Variants in IGHMBP2 observed in about 807,000 individuals in gnomAD.
IGHMBP2 encodes immunoglobulin mu DNA binding protein 2.
Under a neutral mutation model 96.0 loss-of-function variants are expected in IGHMBP2, and 81 were observed. That is an observed-to-expected ratio of 0.84 (90% CI 0.71 to 1.01). The LOEUF (loss-of-function observed/expected upper bound fraction) is 1.01. IGHMBP2 is among the 50% of genes least tolerant of loss of function. The pLI is 0.00. For missense variants in IGHMBP2, 1,227 were observed against 1,306.3 expected, an observed-to-expected ratio of 0.94 and a Z score of 0.94; for synonymous variants, 557 against 548.9, an observed-to-expected ratio of 1.01 and a Z score of -0.21.
chr11:68,934,374 T>G lies in IGHMBP2; in HGVS notation c.1538-90T>G, dbSNP rs1859439229. On this transcript the variant is annotated intron_variant, in intron 10 of 14. Coordinates refer to ENST00000255078, the MANE Select transcript of IGHMBP2 (RefSeq NM_002180.3). ...TGAGTGGAGGATCAGCTGGCCATGA[T>G]AGACAGAAACGTGCCCGAAACACGT... 3 of 898,610 alleles carry G rather than the reference T, an allele frequency of 3.3e-6. No homozygotes were observed. In the Admixed American group the frequency reaches 6.0e-5, roughly 18 times the overall value. The allele number at this position is 898,610 out of a possible 1,614,324, so 55.7% of individuals were successfully genotyped here. A position where few individuals can be genotyped will look rare whatever the true frequency, so the allele number is the denominator to read the frequency against.
chr11:68,923,610 G>A (rs1323688443), intron 7 of IGHMBP2, among the ~76,000 whole-genome samples: 1 of 152,174 alleles, frequency 6.6e-6, no homozygotes, highest in Non-Finnish European at 1.5e-5. Flanking sequence ...TCAGTGCTTA[G>A]TCCAGGGTTA....
In IGHMBP2 at chr11:68,906,216, T is replaced by C. The variant is rs746660193; in HGVS notation, c.234T>C (p.Leu78=). The C allele has an allele frequency of 1.2e-6, 2 of 1,614,046 alleles. No homozygotes were observed. Among genetic ancestry groups the C allele is most frequent in the East Asian group, 4.5e-5 (2 of 44,890 alleles). ...EPRRYGSAAA[L]PSNSFTSGDI... is the part of the protein sequence containing the mutation. ...GGCGATACGGGTCCGCGGCAGCTCT[T>C]CCCAGTAACAGCTTTACTTCTGGTG... The change falls in exon 2 of 15, where the codon CTT becomes CTC. Residue 78 remains leucine, a synonymous_variant. Transcript: ENST00000255078.
At position 68,933,072 on chromosome 11, in the gene IGHMBP2, C is replaced by T. The variant is rs1859377235; in HGVS notation, c.1236-227C>T. ...AGGATCCTTAACTTCATCTCAGCTG[C>T]AGCGTCCCTGTTGTCCTGTAAGGGA... On this transcript the variant is annotated intron_variant, in intron 8 of 14. Transcript: ENST00000255078. 4 of 588,514 alleles carry T rather than the reference C, an allele frequency of 6.8e-6. No homozygotes were observed. The Admixed American group carries it at 1.2e-4, about 17-fold the overall frequency. The allele number at this position is 588,514 out of a possible 1,614,324, so 36.5% of individuals were successfully genotyped here.
In IGHMBP2 at chr11:68,936,794, T is replaced by C. The variant is rs767000279; in HGVS notation, c.2314T>C (p.Ser772Pro). The C allele has an allele frequency of 6.2e-7, 1 of 1,613,934 alleles. No homozygotes were observed. The highest frequency in any genetic ancestry group is 8.5e-7 in the Non-Finnish European group (1 of 1,180,004). The change falls in exon 13 of 15, where the codon TCC becomes CCC. Residue 772 changes from serine (S) to proline (P), a missense_variant. This residue lies in a region of IGHMBP2 where 703 missense variants were observed against 770.3 expected (regional missense o/e 0.91). Transcript: ENST00000255078. ...AEEHGLRHDS[S>P]GEGKRRFITV... Reference sequence around the variant, plus strand: ...GGAGCACGGGCTGAGGCACGACAGTTCCGGGGAAGGGAAGAGGAGGTTCAT... The same window carrying C: ...GGAGCACGGGCTGAGGCACGACAGTCCCGGGGAAGGGAAGAGGAGGTTCAT...
At chr11:68,912,278 T>A (rs1413959075) in intron 5 of IGHMBP2, among the ~76,000 whole-genome samples, 1 of 152,096 alleles carries the variant, frequency 6.6e-6, no homozygotes, top group East Asian at 1.9e-4. Context: ...ATTATAGGCG[T>A]GCGCCACCAT....
In IGHMBP2 at chr11:68,929,336, C is replaced by T; in HGVS notation, c.1214C>T (p.Pro405Leu). The T allele has an allele frequency of 6.2e-7, 1 of 1,613,412 alleles. No homozygotes were observed. The highest frequency in any genetic ancestry group is 1.1e-5 in the South Asian group (1 of 91,082). Residue 405 changes from proline to leucine, a missense_variant, in exon 8 of 15, where the codon CCC (proline) becomes CTC (leucine). Coordinates refer to ENST00000255078, the MANE Select transcript of IGHMBP2 (RefSeq NM_002180.3). ...CILAGDHKQL[P>L]PTTVSHKAAL... ...CTGGCGGGCGATCACAAGCAGCTGC[C>T]CCCCACCACAGTCTCTCACAAGTAA...
chr11:68,921,582 A>G (rs566590663), intron 7 of IGHMBP2, among the ~76,000 whole-genome samples: 1 of 152,310 alleles, frequency 6.6e-6, no homozygotes, highest in East Asian at 1.9e-4. Context: ...TGCTTTTGTC[A>G]TATATTTTTC....
chr11:68,932,950 C>T, intron 8 of IGHMBP2: 1 of 368,352 alleles, frequency 2.7e-6, no homozygotes, highest in Non-Finnish European at 5.2e-6. Flanking sequence ...GTCTTCAAAT[C>T]TCTCCCCTCG....
intron 5 of IGHMBP2, among the ~76,000 whole-genome samples, chr11:68,912,882 A>G (rs1334561913): frequency 2.0e-5 from 3 of 151,536 alleles, no homozygotes; most frequent in African/African-American, 7.3e-5. Context: ...TCTACTAAAA[A>G]TACAAAACAA....
In IGHMBP2 at chr11:68,933,282, C is replaced by G; in HGVS notation, c.1236-17C>G. On this transcript the variant is annotated splice_polypyrimidine_tract_variant and intron_variant, in intron 8 of 14. Transcript: ENST00000255078. ...GGGCTCAGGCCTGCCTTCCCCCTTTCTCCCTCCTGGGCGCAGGGCTGCGCT... is the reference window on the plus strand; with the variant it reads ...GGGCTCAGGCCTGCCTTCCCCCTTTGTCCCTCCTGGGCGCAGGGCTGCGCT... The G allele has an allele frequency of 6.2e-7, 1 of 1,608,392 alleles. No individual in the cohort carries two copies. The highest frequency in any genetic ancestry group is 8.5e-7 in the Non-Finnish European group (1 of 1,178,202).
Position 68,938,274 on chromosome 11 carries a change from T to C in IGHMBP2, c.2704T>C (p.Cys902Arg), listed in dbSNP as rs1064796817. ...TGATAACACCTGCGGCTTTGCCAAGTGCACAGCCGGCGTCACAACCCTGGG... is the reference window on the plus strand; with the variant it reads ...TGATAACACCTGCGGCTTTGCCAAGCGCACAGCCGGCGTCACAACCCTGGG... ...KADNTCGFAKCTAGVTTLGQF... is the reference protein window; with the variant it reads ...KADNTCGFAKRTAGVTTLGQF... The change falls in exon 14 of 15, where the codon TGC (cysteine) becomes CGC (arginine). Residue 902 changes from cysteine (C) to arginine (R), a missense_variant. Around this residue, in one of 3 missense-constraint regions of IGHMBP2, gnomAD observed 703 missense variants for 770.3 expected, o/e 0.91. Transcript: ENST00000255078. The C allele has an allele frequency of 1.2e-6, 2 of 1,613,816 alleles. No homozygotes were observed.
intron 2 of IGHMBP2, 166 bp downstream of exon 2, chr11:68,906,404 A>C (rs1365385679): frequency 1.3e-5 from 10 of 777,418 alleles, no homozygotes; most frequent in Non-Finnish European, 2.1e-5. Flanking sequence ...AGTTGTCTAG[A>C]TCAGCGTTGT....
rs1858276790 is a variant in IGHMBP2, at chr11:68,908,170, T to G, written c.282T>G (p.Ala94=). ...TSGDIVGLYD[A]ANEGSQLATG... ...GTGATATCGTGGGCCTGTACGATGC[T>G]GCTAATGAGGGCAGTCAGCTGGCCA... The change falls in exon 3 of 15, where the codon GCT becomes GCG. Residue 94 remains alanine (A), a synonymous_variant. Transcript: ENST00000255078. 6.2e-7 allele frequency: 1 copy of G among 1,614,018 alleles called. No homozygotes were observed. The highest frequency in any genetic ancestry group is 1.3e-5 in the African/African-American group (1 of 74,896).
intron 7 of IGHMBP2, 90 bp from the exon 8 acceptor site, chr11:68,929,093 A>AC: frequency 8.2e-7 from 1 of 1,223,984 alleles, no homozygotes; most frequent in South Asian, 1.2e-5. Context: ...CCTTGATGAA[A>AC]CCCCAGCTTG....
intron 12 of IGHMBP2, 67 bp downstream of exon 12, chr11:68,935,489 T>C: frequency 1.3e-6 from 2 of 1,588,952 alleles, no homozygotes; most frequent in Middle Eastern, 1.7e-4. Flanking sequence ...GAGGGGCATA[T>C]TGGGTGTCTG....
chr11:68,915,462 G>A (rs34897804), intron 6 of IGHMBP2, among the ~76,000 whole-genome samples: 27,806 of 150,766 alleles, frequency 0.18, 2,958 homozygotes, highest in Non-Finnish European at 0.25. Context: ...TTACAGGCGT[G>A]AGCCACCATG....
intron 14 of IGHMBP2, among the ~76,000 whole-genome samples, chr11:68,939,313 C>T (rs1214594108): frequency 2.0e-5 from 3 of 152,210 alleles, no homozygotes; most frequent in South Asian, 4.1e-4. Context: ...CAGGGTGGTG[C>T]CATTTCCTGT....
intron 1 of IGHMBP2, among the ~76,000 whole-genome samples, chr11:68,904,989 G>T (rs1222665664): frequency 4.6e-5 from 7 of 151,936 alleles, no homozygotes; most frequent in Non-Finnish European, 1.0e-4. Flanking sequence ...GTAGAGACAG[G>T]GTTTCACCAT....
chr11:68,912,811 G>A (rs910282486), intron 5 of IGHMBP2, among the ~76,000 whole-genome samples: 1 of 151,086 alleles, frequency 6.6e-6, no homozygotes, highest in African/African-American at 2.4e-5. Flanking sequence ...AGGCTGAGGC[G>A]GGTGGGTCAC....
Sources: allele counts gnomAD v4.1 joint callset (sites outside exome capture counted in the v4.1 genomes callset), GRCh38; gene constraint gnomAD v4.1.1; regional missense constraint gnomAD v4.1.1; transcripts MANE v1.5; gene names NCBI Gene and HGNC (gene_info 2026-07-23, HGNC 2026-07-21).